RPS6KA2: variants seen among roughly 807,000 people sequenced by gnomAD.
RPS6KA2 encodes the protein ribosomal protein S6 kinase alpha-2.
A neutral mutation model predicts 91.8 loss-of-function variants in RPS6KA2; 42 were observed. That is an observed-to-expected ratio of 0.46 (90% CI 0.36 to 0.59). RPS6KA2 has a LOEUF of 0.59. Ranked by LOEUF, RPS6KA2 falls within the 20% of genes least tolerant of loss-of-function variation. The pLI is 0.00. For synonymous variants in RPS6KA2, 414 were observed against 393.6 expected (o/e 1.05, Z -0.61); for missense variants, 798 against 978.5 (o/e 0.82, Z 2.46).
chr6:166,431,912 G>A (rs1218236045), intron 15 of RPS6KA2, among the ~76,000 whole-genome samples: 1 of 152,144 alleles, frequency 6.6e-6, no homozygotes, highest in East Asian at 1.9e-4. Flanking sequence ...ACAGGTGTGA[G>A]CCACCGCACC....
At chr6:166,624,886 T>C (rs1309745969) in intron 1 of RPS6KA2, among the ~76,000 whole-genome samples, 5 of 151,810 alleles carry the variant, frequency 3.3e-5, no homozygotes, top group African/African-American at 1.2e-4. Flanking sequence ...CAGGCTGGAG[T>C]GCAGTGGCGC....
rs1208124460 is a variant in RPS6KA2, at chr6:166,490,688, G to A, written c.801C>T (p.Thr267=). 1.2e-6 allele frequency: 2 copies of A among 1,611,662 alleles called. No individual in the cohort carries two copies. Among genetic ancestry groups the A allele is most frequent in the African/African-American group, 2.7e-5 (2 of 74,864 alleles). The change falls in exon 9 of 21, where the codon ACC becomes ACT. Residue 267 remains threonine, a synonymous_variant. Coordinates refer to ENST00000265678, the MANE Select transcript of RPS6KA2 (RefSeq NM_021135.6). The surrounding 1 kb of genome is among the most constrained non-coding windows in gnomAD (Gnocchi z 4.2). ...CTACTCACTTGAGGATGAGAGCCAT[G>A]GTCTCCTTCCTGTCCTTCCCCTGGA... is the stretch of plus-strand genomic sequence containing the variant. ...LPFQGKDRKE[T]MALILKAKLG...
intron 2 of RPS6KA2, among the ~76,000 whole-genome samples, chr6:166,719,558 A>G (rs1790111973): frequency 6.6e-6 from 1 of 152,244 alleles, no homozygotes. Context: ...CGATGTATCT[A>G]TGAAAATACA....
At position 166,761,205 on chromosome 6, in the gene RPS6KA2, C is replaced by T. The variant is rs142082848; in HGVS notation, c.123+96995G>A. On this transcript the variant is annotated intron_variant, in intron 2 of 21. Transcript: ENST00000503859. ...TAGCCTCTTAAGTAGCCACCGCACCCGGCTAAATTTTGTATTTTTTGTAGA... is the reference window on the plus strand; with the variant it reads ...TAGCCTCTTAAGTAGCCACCGCACCTGGCTAAATTTTGTATTTTTTGTAGA... Among the ~76,000 whole-genome samples, 10 of 152,246 alleles carry T rather than the reference C, an allele frequency of 6.6e-5. No individual in the cohort carries two copies. The East Asian group carries it at 7.7e-4, about 12-fold the overall frequency.
At chr6:166,498,414 C>G in intron 8 of RPS6KA2, 94 bp downstream of exon 8, 2 of 1,400,102 alleles carry the variant, frequency 1.4e-6, no homozygotes, top group South Asian at 3.0e-5. Context: ...GCACTGCCTT[C>G]TTCCGCATTT....
intron 12 of RPS6KA2, among the ~76,000 whole-genome samples, chr6:166,458,208 G>GCC (rs1377866595): frequency 2.0e-5 from 3 of 152,160 alleles, no homozygotes; most frequent in African/African-American, 7.2e-5. Flanking sequence ...TCATCTTGGA[G>GCC]CCCTCATAAT....
At chr6:166,820,878 G>A (rs954232244) in intron 2 of RPS6KA2, among the ~76,000 whole-genome samples, 5 of 152,198 alleles carry the variant, frequency 3.3e-5, no homozygotes, top group Admixed American at 6.5e-5. Flanking sequence ...CAATTACTAC[G>A]TTCACACACA....
chr6:166,782,679 CAGCCTGCTCTGGGAGGG>C (rs879893625), intron 2 of RPS6KA2, among the ~76,000 whole-genome samples: 1 of 152,308 alleles, frequency 6.6e-6, no homozygotes, highest in Non-Finnish European at 1.5e-5. Flanking sequence ...CAGATGGCTA[CAGCCTGCTCTGGGAGGG>C]AGCGGATGGC....
At chr6:166,514,552 A>G (rs760208986) in intron 3 of RPS6KA2, among the ~76,000 whole-genome samples, 15 of 152,230 alleles carry the variant, frequency 9.9e-5, no homozygotes, top group Non-Finnish European at 2.1e-4. Context: ...GCTGGCGCAC[A>G]GAGCTGCAGT....
intron 2 of RPS6KA2, among the ~76,000 whole-genome samples, chr6:166,833,220 T>C (rs1339439389): frequency 6.6e-6 from 1 of 152,206 alleles, no homozygotes; most frequent in African/African-American, 2.4e-5. Flanking sequence ...GGTGATCTGA[T>C]GGAAGAAACC....
rs572207971 is a variant in RPS6KA2 at position 166,751,750 on chromosome 6, C to T, written c.123+106450G>A. On this transcript the variant is annotated intron_variant, in intron 2 of 21. Coordinates refer to the RPS6KA2 transcript ENST00000503859. ...ATCCTAGTGAAGTCCAATAGTCAGC[C>T]GATTTGGGGATTCTATGCAAAGCCA... 1.6e-3 allele frequency among the ~76,000 whole-genome samples: 251 copies of T among 152,344 alleles called. 2 individuals are homozygous for T. Among genetic ancestry groups the T allele is most frequent in the African/African-American group, 5.7e-3 (236 of 41,576 alleles).
chr6:166,823,783 A>T (rs996190804), intron 2 of RPS6KA2, among the ~76,000 whole-genome samples: 1 of 152,222 alleles, frequency 6.6e-6, no homozygotes. Context: ...AAATGTAGAG[A>T]GAAGTGAACC....
chr6:166,720,810 G>A (rs999188132), intron 2 of RPS6KA2, among the ~76,000 whole-genome samples: 6 of 152,164 alleles, frequency 3.9e-5, no homozygotes, highest in Admixed American at 2.0e-4. Context: ...CCGGCACAGC[G>A]AGTTTGATTT....
At chr6:166,424,777 C>A (rs530349951) in intron 16 of RPS6KA2, among the ~76,000 whole-genome samples, 4 of 152,242 alleles carry the variant, frequency 2.6e-5, no homozygotes, top group Non-Finnish European at 5.9e-5. Flanking sequence ...AGCGTCCCTG[C>A]GCTCCGGTTA....
chr6:166,582,712 T>C (rs1170628503), intron 1 of RPS6KA2, among the ~76,000 whole-genome samples: 1 of 152,250 alleles, frequency 6.6e-6, no homozygotes, highest in Non-Finnish European at 1.5e-5. Context: ...AGGTTAGATA[T>C]GATTTCCATC....
At position 166,635,860 on chromosome 6, in the gene RPS6KA2, T is replaced by C. The variant is rs1787220961; in HGVS notation, c.124-97076A>G. 6.6e-6 allele frequency among the ~76,000 whole-genome samples: 1 copy of C among 152,050 alleles called. No homozygotes were observed. Among genetic ancestry groups the C allele is most frequent in the African/African-American group, 2.4e-5 (1 of 41,396 alleles). On this transcript the variant is annotated intron_variant, in intron 2 of 21. Coordinates refer to the RPS6KA2 transcript ENST00000503859. The surrounding 1 kb of genome is among the most constrained non-coding windows in gnomAD (Gnocchi z 4.8). ...CTGGGTGTGTCCGGTAAAGGGTGTC[T>C]TAAGTCTGACCCTGCTCGTCTTCTG...
At chr6:166,766,100 G>T (rs114964469) in intron 2 of RPS6KA2, among the ~76,000 whole-genome samples, 3,005 of 152,270 alleles carry the variant, frequency 0.02, 97 homozygotes, top group African/African-American at 0.068. Context: ...TGACGTCTTT[G>T]GGGTTGCATT....
chr6:166,492,582 T>A (rs2128474584), intron 8 of RPS6KA2, among the ~76,000 whole-genome samples: 1 of 152,350 alleles, frequency 6.6e-6, no homozygotes, highest in Middle Eastern at 3.4e-3. Context: ...CTACATGAAA[T>A]GAGAAAGCTG....
chr6:166,696,985 G>C lies in RPS6KA2; in HGVS notation c.124-158201C>G, dbSNP rs546350632. Among the ~76,000 whole-genome samples the C allele has an allele frequency of 1.1e-4, 16 of 152,174 alleles. No homozygotes were observed. In the South Asian group the frequency reaches 2.9e-3, roughly 28 times the overall value. The stretch of plus-strand genomic sequence containing the variant: ...GGGACTTCAGCCTGCCAACTGCACA[G>C]ATCTTTGGACTTGTCTGCCTCCATA... On this transcript the variant is annotated intron_variant, in intron 2 of 21. Transcript: ENST00000503859.
Sources: allele counts gnomAD v4.1 joint callset (sites outside exome capture counted in the v4.1 genomes callset), GRCh38; gene constraint gnomAD v4.1.1; non-coding constraint Gnocchi (gnomAD v3.1); transcripts MANE v1.5; gene names NCBI Gene and HGNC (gene_info 2026-07-23, HGNC 2026-07-21).